The following GLIS3 variants were observed in gnomAD, a reference collection of about 807,000 sequenced individuals.
The protein encoded by GLIS3 is zinc finger protein GLIS3.
A neutral mutation model predicts 78.6 loss-of-function variants in GLIS3; 53 were observed. The ratio of observed to expected loss-of-function variants is 0.67; its 90% confidence interval spans 0.54 to 0.85. GLIS3 has a LOEUF of 0.85. Ranked by LOEUF, GLIS3 falls within the 40% of genes least tolerant of loss-of-function variation. The pLI is 0.00. For missense variants in GLIS3, 1,703 were observed against 1,231.1 expected (o/e 1.38, Z -5.74); for synonymous variants, 684 against 509.9 (o/e 1.34, Z -4.60).
At chr9:4,397,715 AGGGAGGGAGG>A in the GLIS3 span, among the ~76,000 whole-genome samples, 4 of 57,030 alleles carry the variant, frequency 7.0e-5, no homozygotes, top group African/African-American at 2.5e-4. Flanking sequence ...GAAGGCAGGG[AGGGAGGGAGG>A]GAGGGAGGAA....
At chr9:4,180,708 T>C (rs140413429) in intron 2 of GLIS3, among the ~76,000 whole-genome samples, 29 of 152,336 alleles carry the variant, frequency 1.9e-4, no homozygotes, top group Non-Finnish European at 3.5e-4. Context: ...CCAATTCTTG[T>C]GCATTGATTT....
chr9:4,178,124 TGTTCCTATCTCCAA>T (rs1279017615), intron 2 of GLIS3, among the ~76,000 whole-genome samples: 2 of 152,196 alleles, frequency 1.3e-5, no homozygotes, highest in Admixed American at 1.3e-4. Context: ...CTTAAAGATA[TGTTCCTATCTCCAA>T]GTGAACTAGA....
chr9:4,462,946 G>A, the GLIS3 span, among the ~76,000 whole-genome samples: 9 of 152,166 alleles, frequency 5.9e-5, no homozygotes, highest in African/African-American at 2.2e-4. Context: ...GGACCTAAAG[G>A]ACACAGGAAC....
the GLIS3 span, among the ~76,000 whole-genome samples, chr9:4,404,609 C>G: frequency 1.3e-5 from 2 of 152,122 alleles, no homozygotes; most frequent in Non-Finnish European, 2.9e-5. Context: ...ACAACATGCT[C>G]CTGAATGACC....
intron 8 of GLIS3, among the ~76,000 whole-genome samples, chr9:3,862,010 G>A (rs1588108913): frequency 6.6e-6 from 1 of 152,274 alleles, no homozygotes; most frequent in East Asian, 1.9e-4. Flanking sequence ...AGTTCTAGAA[G>A]TAGTTAATGT....
intron 2 of GLIS3, among the ~76,000 whole-genome samples, chr9:4,172,486 G>A (rs1455883925): frequency 6.6e-6 from 1 of 152,166 alleles, no homozygotes; most frequent in Non-Finnish European, 1.5e-5. Context: ...CAAACGTACA[G>A]TATTTTTAAA....
chr9:4,122,930 G>C (rs1832296165), intron 3 of GLIS3, among the ~76,000 whole-genome samples: 1 of 152,200 alleles, frequency 6.6e-6, no homozygotes, highest in Non-Finnish European at 1.5e-5. Context: ...GTAAGGTATA[G>C]TTTGCATTTA....
At chr9:4,238,260 T>C (rs1021326175) in intron 2 of GLIS3, among the ~76,000 whole-genome samples, 2 of 151,018 alleles carry the variant, frequency 1.3e-5, no homozygotes, top group Admixed American at 6.6e-5. Flanking sequence ...GATCTCTTAA[T>C]AGAACTCAGT....
the GLIS3 span, among the ~76,000 whole-genome samples, chr9:4,452,673 CACAA>C: frequency 6.6e-6 from 1 of 152,074 alleles, no homozygotes; most frequent in Non-Finnish European, 1.5e-5. Context: ...TAAGAGAGGA[CACAA>C]ACAAAGGGAA....
the GLIS3 span, among the ~76,000 whole-genome samples, chr9:4,450,660 C>T: frequency 1.3e-5 from 2 of 152,210 alleles, no homozygotes; most frequent in Non-Finnish European, 2.9e-5. Flanking sequence ...TTGGCAGAAA[C>T]TCTACAAGCC....
chr9:4,287,521 T>C (rs577907584), intron 1 of GLIS3, among the ~76,000 whole-genome samples: 10 of 152,224 alleles, frequency 6.6e-5, no homozygotes, highest in Non-Finnish European at 1.5e-4. Context: ...TGTGCCACTA[T>C]GCCAAATGTA....
intron 8 of GLIS3, among the ~76,000 whole-genome samples, chr9:3,867,749 G>GCA (rs1820691712): frequency 2.7e-5 from 4 of 149,630 alleles, no homozygotes; most frequent in African/African-American, 9.9e-5. Flanking sequence ...GTGTGTGTGT[G>GCA]TGTGTGAGTG....
chr9:3,928,640 T>C (rs1718545285), intron 6 of GLIS3, among the ~76,000 whole-genome samples: 1 of 152,208 alleles, frequency 6.6e-6, no homozygotes, highest in African/African-American at 2.4e-5. Flanking sequence ...TAGACTGCCC[T>C]AATTTTGCCA....
chr9:4,356,677 A>G, the GLIS3 span, among the ~76,000 whole-genome samples: 24 of 152,266 alleles, frequency 1.6e-4, no homozygotes, highest in African/African-American at 5.5e-4. Flanking sequence ...ATGTGATCAA[A>G]GACTGCTTGT....
intron 2 of GLIS3, among the ~76,000 whole-genome samples, chr9:4,218,701 T>A (rs1347779772): frequency 5.9e-5 from 9 of 152,238 alleles, no homozygotes; most frequent in East Asian, 3.8e-4. Flanking sequence ...CTGATTTTTT[T>A]ATGTTTATTA....
At chr9:4,178,451 G>A (rs190317644) in intron 2 of GLIS3, among the ~76,000 whole-genome samples, 2 of 152,200 alleles carry the variant, frequency 1.3e-5, no homozygotes, top group African/African-American at 4.8e-5. Flanking sequence ...GAGGGGAAGG[G>A]AGGGACGATA....
the GLIS3 span, among the ~76,000 whole-genome samples, chr9:4,399,580 G>A: frequency 6.6e-6 from 1 of 152,184 alleles, no homozygotes; most frequent in East Asian, 1.9e-4. Flanking sequence ...ATAATGCCAC[G>A]TTTAATCTTG....
chr9:4,415,456 A>AGATG, the GLIS3 span, among the ~76,000 whole-genome samples: 2 of 152,260 alleles, frequency 1.3e-5, no homozygotes, highest in South Asian at 4.1e-4. Flanking sequence ...GCTTCTAAAC[A>AGATG]GATGGATGTT....
the GLIS3 span, among the ~76,000 whole-genome samples, chr9:4,464,146 A>T: frequency 1.5e-4 from 23 of 152,158 alleles, no homozygotes; most frequent in East Asian, 1.2e-3. Context: ...TTTTTTTATT[A>T]TATTAAGGAG....
Sources: allele counts gnomAD v4.1 joint callset (sites outside exome capture counted in the v4.1 genomes callset), GRCh38; gene constraint gnomAD v4.1.1; transcripts MANE v1.5; gene names NCBI Gene and HGNC (gene_info 2026-07-23, HGNC 2026-07-21).